LHFPL5: variants seen among roughly 807,000 people sequenced by gnomAD.
LHFPL5 encodes the protein LHFPL tetraspan subfamily member 5.
A neutral mutation model predicts 18.7 loss-of-function variants in LHFPL5; 12 were observed. That is an observed-to-expected ratio of 0.64 (90% confidence interval 0.41 to 1.04). LHFPL5 has a LOEUF of 1.04. LHFPL5 is among the 50% of genes least tolerant of loss of function. The pLI, the probability that LHFPL5 is intolerant of heterozygous loss-of-function variation, is 0.00. For synonymous variants in LHFPL5, 111 were observed against 120.2 expected (o/e 0.92, Z 0.50); for missense variants, 259 against 292.1 (o/e 0.89, Z 0.83).
chr6:35,810,289 G>A (rs80005989), intron 1 of LHFPL5, among the ~76,000 whole-genome samples: 1,638 of 152,292 alleles, frequency 0.011, 29 homozygotes, highest in African/African-American at 0.037. Flanking sequence ...AAATCTGGGA[G>A]GAACAAACAT....
rs1768894655 is a variant in LHFPL5 at position 35,823,022 on chromosome 6, T to C, written c.*57T>C. 1 of 152,180 alleles carries C rather than the reference T, an allele frequency of 6.6e-6. No individual in the cohort carries two copies. Among genetic ancestry groups the C allele is most frequent in the African/African-American group, 2.4e-5 (1 of 41,448 alleles). The allele number at this position is 152,180 out of a possible 1,614,324, so 9.4% of individuals were successfully genotyped here. A position where few individuals can be genotyped will look rare whatever the true frequency, so the allele number is the denominator to read the frequency against. ...GACACAGGAAAACTAGGGAATCAAATTCTTCAGAGATAAGAACTTGTTCTT... is the reference window on the plus strand; with the variant it reads ...GACACAGGAAAACTAGGGAATCAAACTCTTCAGAGATAAGAACTTGTTCTT... On this transcript the variant is annotated 3_prime_UTR_variant, in exon 4 of 4. Transcript: ENST00000360215.
At chr6:35,816,986 A>G (rs1215672845) in intron 2 of LHFPL5, among the ~76,000 whole-genome samples, 1 of 152,106 alleles carries the variant, frequency 6.6e-6, no homozygotes, top group Non-Finnish European at 1.5e-5. Context: ...CACACCATAT[A>G]CAAAAATTAA....
Position 35,805,485 on chromosome 6 carries a change from A to G in LHFPL5, c.-186A>G, listed in dbSNP as rs1456229930. ...ACAGGCACCTGGCAAGCTTTCCTTG[A>G]CCAAATCAAGGTTGTCCTTGTCCTA... is the stretch of plus-strand genomic sequence containing the variant. On this transcript the variant is annotated 5_prime_UTR_variant, in exon 1 of 4. Coordinates refer to ENST00000360215, the MANE Select transcript of LHFPL5 (RefSeq NM_182548.4). The surrounding 1 kb of genome is among the most constrained non-coding windows in gnomAD (Gnocchi z 4.3). 2 of 620,948 alleles carry G rather than the reference A, an allele frequency of 3.2e-6. No individual in the cohort carries two copies. The highest frequency in any genetic ancestry group is 2.8e-6 in the Non-Finnish European group (1 of 351,060). The allele number at this position is 620,948 out of a possible 1,614,324, so 38.5% of individuals were successfully genotyped here.
chr6:35,818,795 T>G (rs541542001), intron 2 of LHFPL5, among the ~76,000 whole-genome samples: 113 of 151,712 alleles, frequency 7.4e-4, no homozygotes, highest in African/African-American at 2.5e-3. Flanking sequence ...GCAGATCTGA[T>G]AGTTCTTTCT....
In LHFPL5 at chr6:35,814,760, C is replaced by G. The variant is rs564743695; in HGVS notation, c.627C>G (p.Asp209Glu). 3 of 1,614,036 alleles carry G rather than the reference C, an allele frequency of 1.9e-6. No individual in the cohort carries two copies. The highest frequency in any genetic ancestry group is 2.5e-6 in the Non-Finnish European group (3 of 1,179,972). The stretch of plus-strand genomic sequence containing the variant: ...ACCGGCAGGACAAGCTCCTCCCTGA[C>G]GACTACAAGGCAGATGGAACCGGTA... The part of the protein sequence containing the change: ...LGYRQDKLLP[D>E]DYKADGTEEV The change falls in exon 2 of 4, where the codon GAC becomes GAG. Residue 209 changes from aspartate (D) to glutamate (E), a missense_variant. Transcript: ENST00000360215. The surrounding 1 kb of genome is among the most constrained non-coding windows in gnomAD (Gnocchi z 4.2).
rs756030149 is a variant in LHFPL5, at chr6:35,805,755, T to TG, written c.89dup (p.Thr31TyrfsTer41). On this transcript the variant is annotated frameshift_variant, in exon 1 of 4. Transcript: ENST00000360215. LOFTEE classifies it high-confidence loss of function. This position sits in a 1 kb window ranked among gnomAD's most constrained non-coding sequence, Gnocchi z 4.3. Reference sequence around the variant, plus strand: ...GAACTCGCGAGCCGTGGGCGTGATGTGGGGTACCCTCACCATCTGCTTCTC... The same window carrying TG: ...GAACTCGCGAGCCGTGGGCGTGATGTGGGGGTACCCTCACCATCTGCTTCTC... 1.2e-6 allele frequency: 2 copies of TG among 1,614,216 alleles called. No homozygotes were observed. Among genetic ancestry groups the TG allele is most frequent in the Non-Finnish European group, 8.5e-7 (1 of 1,180,030 alleles).
At chr6:35,813,774 ACTTT>A (rs1256385389) in intron 1 of LHFPL5, among the ~76,000 whole-genome samples, 1 of 147,436 alleles carries the variant, frequency 6.8e-6, no homozygotes, top group African/African-American at 2.5e-5. Flanking sequence ...ATGGCCTGAC[ACTTT>A]CTTTTTCCTT....
chr6:35,807,731 C>A (rs1768595221), intron 1 of LHFPL5, among the ~76,000 whole-genome samples: 1 of 152,122 alleles, frequency 6.6e-6, no homozygotes, highest in Non-Finnish European at 1.5e-5. Context: ...AAGGACCAGA[C>A]TTGGCCAAGG....
intron 2 of LHFPL5, among the ~76,000 whole-genome samples, chr6:35,815,528 T>C (rs1170372772): frequency 6.6e-6 from 1 of 152,162 alleles, no homozygotes; most frequent in South Asian, 2.1e-4. Context: ...CTTGCACCCC[T>C]GTGAATCCCC....
chr6:35,818,320 C>CATAT (rs112710434), intron 2 of LHFPL5, among the ~76,000 whole-genome samples: 59 of 120,248 alleles, frequency 4.9e-4, no homozygotes, highest in African/African-American at 1.7e-3. Flanking sequence ...TACTAAAAGC[C>CATAT]ATATATATAT....
chr6:35,817,670 C>T (rs1196038274), intron 2 of LHFPL5, among the ~76,000 whole-genome samples: 1 of 152,188 alleles, frequency 6.6e-6, no homozygotes, highest in African/African-American at 2.4e-5. Flanking sequence ...CAATTTCACA[C>T]CCACTAAGAT....
chr6:35,822,546 C>T (rs888553653), intron 3 of LHFPL5, among the ~76,000 whole-genome samples: 1 of 152,242 alleles, frequency 6.6e-6, no homozygotes, highest in Non-Finnish European at 1.5e-5. Flanking sequence ...CTCGCTCTGT[C>T]GTCCAGGCTG....
chr6:35,808,755 C>T (rs981060833), intron 1 of LHFPL5, among the ~76,000 whole-genome samples: 11 of 151,644 alleles, frequency 7.3e-5, no homozygotes, highest in African/African-American at 2.7e-4. Flanking sequence ...TCTGCAAACC[C>T]CCCTTCCCTG....
chr6:35,808,002 A>T (rs1384132974), intron 1 of LHFPL5, among the ~76,000 whole-genome samples: 4 of 152,126 alleles, frequency 2.6e-5, no homozygotes, highest in Non-Finnish European at 5.9e-5. Flanking sequence ...TGCACCTTTG[A>T]TTCCAAATCT....
At chr6:35,808,291 T>G (rs1768604425) in intron 1 of LHFPL5, among the ~76,000 whole-genome samples, 1 of 123,654 alleles carries the variant, frequency 8.1e-6, no homozygotes, top group Non-Finnish European at 1.6e-5. Flanking sequence ...AGACCCTATC[T>G]CTATTTTATA....
At chr6:35,808,473 CTG>C (rs1387572575) in intron 1 of LHFPL5, among the ~76,000 whole-genome samples, 1 of 144,394 alleles carries the variant, frequency 6.9e-6, no homozygotes, top group Non-Finnish European at 1.5e-5. Flanking sequence ...CATGGCGAAA[CTG>C]TGTCTCTACA....
intron 2 of LHFPL5, among the ~76,000 whole-genome samples, chr6:35,818,302 A>G (rs1362222964): frequency 4.1e-5 from 6 of 148,058 alleles, no homozygotes; most frequent in African/African-American, 1.5e-4. Flanking sequence ...TGCACAATCT[A>G]GTGAATATAC....
intron 2 of LHFPL5, among the ~76,000 whole-genome samples, chr6:35,815,004 C>T (rs954631552): frequency 1.3e-5 from 2 of 152,092 alleles, no homozygotes; most frequent in Non-Finnish European, 2.9e-5. Context: ...TCCCCCTCAC[C>T]CCTCTACACT....
chr6:35,823,579 G>A lies in LHFPL5; in HGVS notation c.*614G>A, dbSNP rs1287456516. 6.6e-6 allele frequency: 1 copy of A among 152,012 alleles called. No individual in the cohort carries two copies. The highest frequency in any genetic ancestry group is 2.4e-5 in the African/African-American group (1 of 41,344). 9.4% of individuals were successfully genotyped at this position (152,012 alleles called of 1,614,324 possible). A position where few individuals can be genotyped will look rare whatever the true frequency, so the allele number is the denominator to read the frequency against. ...TGGGTCATTTTTAGGGTGAGGTGTA[G>A]GGGGTCTTTTGCTTCTCCCTTCTCA... On this transcript the variant is annotated 3_prime_UTR_variant, in exon 4 of 4. Transcript: ENST00000360215.
Sources: allele counts gnomAD v4.1 joint callset (sites outside exome capture counted in the v4.1 genomes callset), GRCh38; gene constraint gnomAD v4.1.1; non-coding constraint Gnocchi (gnomAD v3.1); transcripts MANE v1.5; gene names NCBI Gene and HGNC (gene_info 2026-07-23, HGNC 2026-07-21).